The following LRRC63 variants were observed in gnomAD, a reference collection of about 807,000 sequenced individuals.
LRRC63 encodes leucine-rich repeat-containing protein 63.
In LRRC63, 40 loss-of-function variants were observed where a neutral mutation model predicts 49.5. The observed-to-expected ratio is 0.81, with a 90% CI of 0.63 to 1.05. The LOEUF (loss-of-function observed/expected upper bound fraction) is 1.05. Among genes scored for constraint, LRRC63 ranks in the 50% least tolerant of loss-of-function variants. The pLI, the probability that LRRC63 is intolerant of heterozygous loss-of-function variation, is 0.00. For synonymous variants in LRRC63, 191 were observed against 221.1 expected, an observed-to-expected ratio of 0.86 and a Z score of 1.21; for missense variants, 636 against 663.1, an observed-to-expected ratio of 0.96 and a Z score of 0.45.
intron 7 of LRRC63, among the ~76,000 whole-genome samples, chr13:46,255,655 T>A (rs1370739836): frequency 3.6e-5 from 5 of 137,640 alleles, no homozygotes; most frequent in African/African-American, 1.3e-4. Flanking sequence ...AATATATATA[T>A]ATATATATAT....
At chr13:46,250,130 G>A (rs1053924579) in intron 6 of LRRC63, 92 of 287,994 alleles carry the variant, frequency 3.2e-4, no homozygotes, top group African/African-American at 1.8e-3. Context: ...CTTGAGTCAA[G>A]GGTGTATGAG....
intron 2 of LRRC63, among the ~76,000 whole-genome samples, chr13:46,214,417 C>G (rs531165549): frequency 1.3e-5 from 2 of 152,134 alleles, no homozygotes; most frequent in Non-Finnish European, 2.9e-5. Flanking sequence ...TGTAATAATA[C>G]AGTATGCAGA....
intron 7 of LRRC63, among the ~76,000 whole-genome samples, chr13:46,258,124 C>CTTTTTT (rs61630248): frequency 2.0e-5 from 2 of 100,582 alleles, no homozygotes; most frequent in South Asian, 3.6e-4. Context: ...GTGACCTACT[C>CTTTTTT]TTTTTTTTTT....
At position 46,263,994 on chromosome 13, in the gene LRRC63, A is replaced by G. The variant is rs532681032; in HGVS notation, c.1310+2002A>G. Among the ~76,000 whole-genome samples the G allele has an allele frequency of 7.9e-5, 12 of 152,298 alleles. No homozygotes were observed. The South Asian group carries it at 1.9e-3, about 24-fold the overall frequency. ...TTTCTCTGAATCTTTAACCCTGACA[A>G]ATAAATGATGTCCTGAGTGAGTGGA... On this transcript the variant is annotated intron_variant, in intron 8 of 9. Transcript: ENST00000595396.
At chr13:46,277,080 A>T (rs1384817552) in exon 10 of LRRC63, 1 of 151,772 alleles carries the variant, frequency 6.6e-6, no homozygotes, top group Non-Finnish European at 1.5e-5. Flanking sequence ...AGGATTAGTA[A>T]AGCCTTTAGA....
intron 9 of LRRC63, among the ~76,000 whole-genome samples, chr13:46,271,455 C>A (rs1186797821): frequency 1.3e-5 from 2 of 152,118 alleles, no homozygotes; most frequent in African/African-American, 4.8e-5. Context: ...CTCCTTATGC[C>A]AACAAGATGG....
At chr13:46,247,864 A>G (rs965738908) in intron 6 of LRRC63, among the ~76,000 whole-genome samples, 1 of 152,112 alleles carries the variant, frequency 6.6e-6, no homozygotes, top group Non-Finnish European at 1.5e-5. Context: ...CAAACTCTAT[A>G]TACATATACT....
At chr13:46,253,063 T>C (rs1353248213) in intron 7 of LRRC63, among the ~76,000 whole-genome samples, 1 of 151,912 alleles carries the variant, frequency 6.6e-6, no homozygotes, top group Non-Finnish European at 1.5e-5. Context: ...TGGAAGGCCA[T>C]TGCAGTAGTT....
At chr13:46,255,280 A>T (rs904572218) in intron 7 of LRRC63, among the ~76,000 whole-genome samples, 2 of 151,948 alleles carry the variant, frequency 1.3e-5, no homozygotes, top group Non-Finnish European at 2.9e-5. Flanking sequence ...GAGAGGGGAG[A>T]ATTGGGAGTA....
intron 7 of LRRC63, among the ~76,000 whole-genome samples, chr13:46,252,871 G>A (rs2047419597): frequency 6.6e-6 from 1 of 152,160 alleles, no homozygotes; most frequent in East Asian, 1.9e-4. Flanking sequence ...GGTACAGTAA[G>A]CAGGGACCAG....
At position 46,276,826 on chromosome 13, in the gene LRRC63, G is replaced by GTATATATATATATA. The variant is rs752992115; in HGVS notation, c.*24_*25insATATATATATATAT. On this transcript the variant is annotated 3_prime_UTR_variant, in exon 10 of 10. Transcript: ENST00000595396. ...TAGTACAATGATTTATCGTATGTGT[G>GTATATATATATATA]TGTATATATATATATATATATATAT... 118 of 165,278 alleles carry GTATATATATATATA rather than the reference G, an allele frequency of 7.1e-4. 1 individual carries two copies. Among genetic ancestry groups the GTATATATATATATA allele is most frequent in the Middle Eastern group, 2.2e-3 (1 of 456 alleles). 10.2% of individuals were successfully genotyped at this position (165,278 alleles called of 1,614,324 possible). A position where few individuals can be genotyped will look rare whatever the true frequency, so the allele number is the denominator to read the frequency against.
chr13:46,224,764 G>GT (rs2046520086), intron 2 of LRRC63, among the ~76,000 whole-genome samples: 1 of 152,220 alleles, frequency 6.6e-6, no homozygotes. Context: ...TGTTGGTTGG[G>GT]TAGGGCACTT....
intron 2 of LRRC63, among the ~76,000 whole-genome samples, chr13:46,223,160 A>G (rs1373162290): frequency 6.6e-6 from 1 of 151,828 alleles, no homozygotes; most frequent in East Asian, 1.9e-4. Flanking sequence ...ATGTATACAT[A>G]TGTAACTAAC....
At chr13:46,246,581 T>G (rs1171050981) in exon 6 of LRRC63, 1 of 1,472,674 alleles carries the variant, frequency 6.8e-7, no homozygotes, top group South Asian at 1.4e-5. Context: ...CCAGTTGATA[T>G]ATCTTAATTT....
chr13:46,256,485 A>G (rs1375813891), intron 7 of LRRC63, among the ~76,000 whole-genome samples: 1 of 152,234 alleles, frequency 6.6e-6, no homozygotes, highest in Non-Finnish European at 1.5e-5. Flanking sequence ...GCTGCTGATT[A>G]TTCCCAGGCC....
chr13:46,249,942 G>T (rs145903998), intron 6 of LRRC63: 2,317 of 152,508 alleles, frequency 0.015, 76 homozygotes, highest in African/African-American at 0.052. Flanking sequence ...GAAATTACTG[G>T]GATGTCAGAA....
chr13:46,272,598 G>T (rs61949193), intron 9 of LRRC63, among the ~76,000 whole-genome samples: 39,063 of 152,064 alleles, frequency 0.26, 5,322 homozygotes, highest in East Asian at 0.35. Context: ...GACTTTAAAA[G>T]AGCACCTTAA....
intron 5 of LRRC63, among the ~76,000 whole-genome samples, chr13:46,235,592 C>A (rs1409183213): frequency 6.6e-6 from 1 of 152,054 alleles, no homozygotes. Flanking sequence ...TCCAGTTCCA[C>A]TTTTTAACAA....
At chr13:46,216,797 G>C (rs984653816) in intron 2 of LRRC63, among the ~76,000 whole-genome samples, 4 of 152,180 alleles carry the variant, frequency 2.6e-5, no homozygotes, top group Non-Finnish European at 5.9e-5. Context: ...TGTTTATTGA[G>C]AGTTTTTAGC....
Sources: allele counts gnomAD v4.1 joint callset (sites outside exome capture counted in the v4.1 genomes callset), GRCh38; gene constraint gnomAD v4.1.1; transcripts MANE v1.5; gene names NCBI Gene and HGNC (gene_info 2026-07-23, HGNC 2026-07-21).